Variants in GPIHBP1 observed in about 807,000 individuals in gnomAD.
GPIHBP1 encodes the protein glycosylphosphatidylinositol-anchored high density lipoprotein-binding protein 1.
Under a neutral mutation model 13.0 loss-of-function variants are expected in GPIHBP1, and 11 were observed. The observed-to-expected ratio is 0.84, with a 90% CI of 0.53 to 1.40. GPIHBP1 has a LOEUF of 1.40. Ranked by LOEUF, GPIHBP1 falls within the 40% of genes most tolerant of loss-of-function variation. GPIHBP1 has a pLI of 0.00. For missense variants in GPIHBP1, 231 were observed against 241.1 expected (o/e 0.96, Z 0.28); for synonymous variants, 106 against 102.2 (o/e 1.04, Z -0.22).
intron 1 of GPIHBP1, 37 bp from the exon 2 acceptor site, chr8:143,213,785 G>A (rs777408617): frequency 8.3e-6 from 13 of 1,571,090 alleles, no homozygotes; most frequent in African/African-American, 1.4e-5. Context: ...CTCCATACCC[G>A]GGTAGCTGAG....
rs1199158728 is a variant in GPIHBP1 at position 143,214,051 on chromosome 8, G to A, written c.181+101G>A. On this transcript the variant is annotated intron_variant, in intron 2 of 3. Transcript: ENST00000622500. This position sits in a 1 kb window ranked among gnomAD's most constrained non-coding sequence, Gnocchi z 4.1. ...CCAGCAGGCCACAGTCCTGCTGTGA[G>A]CTTGCCTCCAGCAGAGTGGGGGACA... is the stretch of plus-strand genomic sequence containing the variant. 1 of 1,480,332 alleles carries A rather than the reference G, an allele frequency of 6.8e-7. No individual in the cohort carries two copies. The highest frequency in any genetic ancestry group is 9.2e-7 in the Non-Finnish European group (1 of 1,089,380). 91.7% of individuals were successfully genotyped at this position (1,480,332 alleles called of 1,614,324 possible). A position where few individuals can be genotyped will look rare whatever the true frequency, so the allele number is the denominator to read the frequency against.
intron 3 of GPIHBP1, 21 bp downstream of exon 3, chr8:143,215,147 A>G: frequency 6.2e-7 from 1 of 1,607,746 alleles, no homozygotes; most frequent in Non-Finnish European, 8.5e-7. Flanking sequence ...GTGGGGCCGC[A>G]GCACATGCAC....
chr8:143,213,428 G>C, intron 1 of GPIHBP1, 109 bp downstream of exon 1: 1 of 951,506 alleles, frequency 1.1e-6, no homozygotes, highest in South Asian at 1.4e-5. Context: ...AGGGGATGAG[G>C]CTGGAGTCCC....
rs1554609964 is a variant in GPIHBP1 at position 143,216,105 on chromosome 8, C to CA, written c.*587_*588insA. ...TGAGGCCACATGCGGAGGGGCGGGG[C>CA]GGGGGGGGGCTGGGGGGACAGGCAC... On this transcript the variant is annotated 3_prime_UTR_variant, in exon 4 of 4. Coordinates refer to ENST00000622500, the MANE Select transcript of GPIHBP1 (RefSeq NM_178172.6). 7 of 26,780 alleles carry CA rather than the reference C, an allele frequency of 2.6e-4. No individual in the cohort carries two copies. The East Asian group carries it at 9.2e-3, about 35-fold the overall frequency. 1.7% of individuals were successfully genotyped at this position (26,780 alleles called of 1,614,324 possible).
rs73376209 is a variant in GPIHBP1, at chr8:143,215,654, C to T, written c.*136C>T. 8,738 of 741,666 alleles carry T rather than the reference C, an allele frequency of 0.012. 568 individuals carry two copies. In the African/African-American group the frequency reaches 0.14, roughly 12 times the overall value. 45.9% of individuals were successfully genotyped at this position (741,666 alleles called of 1,614,324 possible). A position where few individuals can be genotyped will look rare whatever the true frequency, so the allele number is the denominator to read the frequency against. Reference sequence around the variant, plus strand: ...TCTTGGGCGATCCAGCCAGCGCAGGCCCCCCGGCCCGGTTGCTTCCTCAGT... The same window carrying T: ...TCTTGGGCGATCCAGCCAGCGCAGGTCCCCCGGCCCGGTTGCTTCCTCAGT... On this transcript the variant is annotated 3_prime_UTR_variant, in exon 4 of 4. Transcript: ENST00000622500.
At chr8:143,213,431 G>A in intron 1 of GPIHBP1, 112 bp downstream of exon 1, 1 of 915,236 alleles carries the variant, frequency 1.1e-6, no homozygotes, top group Non-Finnish European at 1.7e-6. Context: ...GGATGAGGCT[G>A]GAGTCCCCAG....
chr8:143,215,590 C>T lies in GPIHBP1; in HGVS notation c.*72C>T. The stretch of plus-strand genomic sequence containing the variant: ...AGCACTCTGTCTGGTACCTTCCCCT[C>T]CTGCCCCTGCACCAGCTTTGGAGAA... On this transcript the variant is annotated 3_prime_UTR_variant, in exon 4 of 4. Coordinates refer to ENST00000622500, the MANE Select transcript of GPIHBP1 (RefSeq NM_178172.6). The T allele has an allele frequency of 1.6e-6, 2 of 1,253,766 alleles. No individual in the cohort carries two copies. Among genetic ancestry groups the T allele is most frequent in the East Asian group, 2.5e-5 (1 of 39,452 alleles). 77.7% of individuals were successfully genotyped at this position (1,253,766 alleles called of 1,614,324 possible). A position where few individuals can be genotyped will look rare whatever the true frequency, so the allele number is the denominator to read the frequency against.
chr8:143,215,143 C>A lies in GPIHBP1; in HGVS notation c.295+17C>A. 1 of 1,607,358 alleles carries A rather than the reference C, an allele frequency of 6.2e-7. No homozygotes were observed. The highest frequency in any genetic ancestry group is 8.5e-7 in the Non-Finnish European group (1 of 1,175,036). ...GGAACACCGGTAAGTGGGCGTGGGG[C>A]CGCAGCACATGCACCCCCAGGCGGC... On this transcript the variant is annotated intron_variant, in intron 3 of 3. Coordinates refer to ENST00000622500, the MANE Select transcript of GPIHBP1 (RefSeq NM_178172.6).
rs1412369364 is a variant in GPIHBP1, at chr8:143,215,714, C to T, written c.*196C>T. The T allele has an allele frequency of 1.2e-5, 7 of 605,742 alleles. No individual in the cohort carries two copies. Among genetic ancestry groups the T allele is most frequent in the South Asian group, 2.0e-5 (1 of 50,134 alleles). 37.5% of individuals were successfully genotyped at this position (605,742 alleles called of 1,614,324 possible). A position where few individuals can be genotyped will look rare whatever the true frequency, so the allele number is the denominator to read the frequency against. ...TGTCCTTGGTGTCCTTTCTCCACCA[C>T]CTGTGAGCAGCAAGACTGCCGCACG... is the stretch of plus-strand genomic sequence containing the variant. On this transcript the variant is annotated 3_prime_UTR_variant, in exon 4 of 4. Coordinates refer to ENST00000622500, the MANE Select transcript of GPIHBP1 (RefSeq NM_178172.6).
In GPIHBP1 at chr8:143,214,342, G is replaced by T. The variant is rs1157391531; in HGVS notation, c.181+392G>T. ...GGGGAGGGCTGGATTGGCTGCTGCG[G>T]GCTGGGGAGCCAGGGAACCGCTTAG... On this transcript the variant is annotated intron_variant, in intron 2 of 3. Coordinates refer to ENST00000622500, the MANE Select transcript of GPIHBP1 (RefSeq NM_178172.6). This position sits in a 1 kb window ranked among gnomAD's most constrained non-coding sequence, Gnocchi z 4.1. Among the ~76,000 whole-genome samples, 5 of 152,074 alleles carry T rather than the reference G, an allele frequency of 3.3e-5. No individual in the cohort carries two copies. The highest frequency in any genetic ancestry group is 7.4e-5 in the Non-Finnish European group (5 of 67,992).
Position 143,213,822 on chromosome 8 carries a change from G to A in GPIHBP1, c.53G>A (p.Gly18Glu), listed in dbSNP as rs1192336915. 2.5e-6 allele frequency: 4 copies of A among 1,570,766 alleles called. No individual in the cohort carries two copies. Among genetic ancestry groups the A allele is most frequent in the East Asian group, 2.4e-5 (1 of 42,140 alleles). ...LLALLLFGRP[G>E]RGQTQQEEEE... Reference sequence around the variant, plus strand: ...CTTACAAGCATCCCTGCACGGCCAGGGAGAGGGCAGACACAGCAGGAGGAA... The same window carrying A: ...CTTACAAGCATCCCTGCACGGCCAGAGAGAGGGCAGACACAGCAGGAGGAA... The change falls in exon 2 of 4, where the codon GGG becomes GAG. Residue 18 changes from glycine to glutamate, a missense_variant and splice_region_variant. Physicochemically the swap from Gly to Glu is moderately conservative, Grantham distance 98. Transcript: ENST00000622500.
intron 1 of GPIHBP1, 46 bp downstream of exon 1, chr8:143,213,365 G>A: frequency 1.3e-6 from 2 of 1,509,354 alleles, no homozygotes; most frequent in Non-Finnish European, 1.8e-6. Flanking sequence ...AGCAACAGCA[G>A]TCCTGGAGCA....
Position 143,213,287 on chromosome 8 carries a change from T to A in GPIHBP1, c.20T>A (p.Val7Asp). MKALGA[V>D]LLALLLFGRP... ...GGCGAGATGAAGGCGCTCGGGGCTG[T>A]CCTGCTTGCCCTCTTGCTGTTCGGG... Residue 7 changes from valine (V) to aspartate (D), a missense_variant, in exon 1 of 4, where the codon GTC (valine) becomes GAC (aspartate). By Grantham distance (152) the Val-to-Asp change is radical. Transcript: ENST00000622500. The A allele has an allele frequency of 1.3e-6, 2 of 1,597,512 alleles. No individual in the cohort carries two copies. Among genetic ancestry groups the A allele is most frequent in the Non-Finnish European group, 1.7e-6 (2 of 1,176,208 alleles).
intron 1 of GPIHBP1, 132 bp downstream of exon 1, chr8:143,213,451 G>A (rs1816251017): frequency 2.5e-6 from 2 of 792,396 alleles, no homozygotes; most frequent in Non-Finnish European, 4.1e-6. Context: ...GCCCAGAGCA[G>A]CATGGATGGA....
chr8:143,215,433 C>G lies in GPIHBP1; in HGVS notation c.470C>G (p.Pro157Arg). The G allele has an allele frequency of 6.2e-7, 1 of 1,612,636 alleles. No individual in the cohort carries two copies. The highest frequency in any genetic ancestry group is 1.7e-5 in the Admixed American group (1 of 60,022). ...QDPTGKGAGG[P>R]RGSSETVGAA... ...CCAACAGGCAAGGGGGCAGGCGGCC[C>G]CCGGGGCAGCTCCGAAACTGTGGGC... is the stretch of plus-strand genomic sequence containing the variant. Residue 157 changes from proline (P) to arginine (R), a missense_variant, in exon 4 of 4, where the codon CCC becomes CGC. Transcript: ENST00000622500.
Position 143,215,286 on chromosome 8 carries a change from C to T in GPIHBP1, c.323C>T (p.Thr108Met), listed in dbSNP as rs752728823. The T allele has an allele frequency of 3.4e-5, 55 of 1,612,880 alleles. 1 individual carries two copies. In the South Asian group the frequency reaches 4.1e-4, roughly 12 times the overall value. ...TESGLLTTHS[T>M]WCTDSCQPIT... ...TCAGGCCTCCTGACCACCCACTCCA[C>T]GTGGTGCACAGACAGCTGCCAGCCC... Residue 108 changes from threonine to methionine, a missense_variant, in exon 4 of 4, where the codon ACG (threonine) becomes ATG (methionine). Coordinates refer to ENST00000622500, the MANE Select transcript of GPIHBP1 (RefSeq NM_178172.6).
In GPIHBP1 at chr8:143,215,437, G is replaced by A. The variant is rs1416300029; in HGVS notation, c.474G>A (p.Arg158=). ...CAGGCAAGGGGGCAGGCGGCCCCCG[G>A]GGCAGCTCCGAAACTGTGGGCGCAG... is the stretch of plus-strand genomic sequence containing the variant. ...DPTGKGAGGP[R]GSSETVGAAL... is the part of the protein sequence containing the mutation. Residue 158 remains arginine (R), a synonymous_variant, in exon 4 of 4, where the codon CGG becomes CGA. Coordinates refer to ENST00000622500, the MANE Select transcript of GPIHBP1 (RefSeq NM_178172.6). 1.9e-6 allele frequency: 3 copies of A among 1,612,552 alleles called. No individual in the cohort carries two copies. Among genetic ancestry groups the A allele is most frequent in the East Asian group, 2.2e-5 (1 of 44,870 alleles).
Position 143,215,014 on chromosome 8 carries a change from G to C in GPIHBP1, c.183G>C (p.Val61=), listed in dbSNP as rs567736240. The C allele has an allele frequency of 1.3e-6, 2 of 1,566,446 alleles. No individual in the cohort carries two copies. The highest frequency in any genetic ancestry group is 8.7e-7 in the Non-Finnish European group (1 of 1,155,646). The stretch of plus-strand genomic sequence containing the variant: ...GGCCTGAGCCCGCCTTGTCCCCAGT[G>C]CTGCTGCGGTGCTACACCTGCAAGT... The part of the protein sequence containing the change: ...TNRLPGGRSR[V]LLRCYTCKSL... Residue 61 remains valine, a splice_region_variant and synonymous_variant, in exon 3 of 4, where the codon GTG becomes GTC. Transcript: ENST00000622500.
In GPIHBP1 at chr8:143,214,529, C is replaced by A. The variant is rs920140858; in HGVS notation, c.182-484C>A. Among the ~76,000 whole-genome samples the A allele has an allele frequency of 4.3e-5, 6 of 140,082 alleles. No homozygotes were observed. The highest frequency in any genetic ancestry group is 6.8e-5 in the Admixed American group (1 of 14,716). The allele number at this position is 140,082 out of a possible 152,430, so 91.9% of individuals were successfully genotyped here. On this transcript the variant is annotated intron_variant, in intron 2 of 3. Transcript: ENST00000622500. The surrounding 1 kb of genome is among the most constrained non-coding windows in gnomAD (Gnocchi z 4.1). ...CTCCCTAGCCAGGGACCACAGCGTG[C>A]CCCACCACACACAGCCCCTCCCTAG...
Sources: allele counts gnomAD v4.1 joint callset (sites outside exome capture counted in the v4.1 genomes callset), GRCh38; gene constraint gnomAD v4.1.1; non-coding constraint Gnocchi (gnomAD v3.1); transcripts MANE v1.5; gene names NCBI Gene and HGNC (gene_info 2026-07-23, HGNC 2026-07-21).